SCAI: variants seen among roughly 807,000 people sequenced by gnomAD.
The protein encoded by SCAI is suppressor of cancer cell invasion.
Under a neutral mutation model 92.2 loss-of-function variants are expected in SCAI, and 24 were observed. The ratio of observed to expected loss-of-function variants is 0.26; its 90% CI spans 0.19 to 0.37. The LOEUF (loss-of-function observed/expected upper bound fraction) is 0.37. SCAI is among the 10% of genes least tolerant of loss of function. The probability of loss-of-function intolerance (pLI) is 1.00; values close to 1 mark genes in which losing one functional copy is unlikely to be tolerated. For missense variants in SCAI, 450 were observed against 736.2 expected (o/e 0.61, Z 4.50); for synonymous variants, 261 against 258.6 (o/e 1.01, Z -0.09).
At chr9:125,000,637 T>A (rs1173737436) in intron 12 of SCAI, among the ~76,000 whole-genome samples, 1 of 101,028 alleles carries the variant, frequency 9.9e-6, no homozygotes, top group African/African-American at 3.1e-5. Flanking sequence ...TAAAATAAGC[T>A]TTTTTTTTTT....
At chr9:125,113,774 C>A (rs1177972289) in intron 2 of SCAI, among the ~76,000 whole-genome samples, 1 of 150,506 alleles carries the variant, frequency 6.6e-6, no homozygotes, top group Non-Finnish European at 1.5e-5. Context: ...ACCAGCCTGA[C>A]CAACATGGAG....
intron 3 of SCAI, among the ~76,000 whole-genome samples, chr9:125,031,935 C>T (rs1833080979): frequency 6.6e-6 from 1 of 151,840 alleles, no homozygotes; most frequent in Admixed American, 6.6e-5. Context: ...TTTAGGGTTG[C>T]CAGATAAAAT....
At chr9:124,979,757 T>A (rs913356522) in intron 14 of SCAI, among the ~76,000 whole-genome samples, 10 of 152,044 alleles carry the variant, frequency 6.6e-5, no homozygotes, top group African/African-American at 2.2e-4. Flanking sequence ...ACTAAAAATA[T>A]TAAGCAAATA....
chr9:125,135,380 G>A (rs1447785319), intron 2 of SCAI, among the ~76,000 whole-genome samples: 5 of 152,188 alleles, frequency 3.3e-5, no homozygotes, highest in East Asian at 1.9e-4. Context: ...GGCCAGGCAC[G>A]ATGGCTCACG....
intron 2 of SCAI, among the ~76,000 whole-genome samples, chr9:125,125,831 CAAAAA>C (rs34484716): frequency 1.2e-5 from 1 of 81,974 alleles, no homozygotes. Flanking sequence ...GACTTTGTCT[CAAAAA>C]AAAAAAAAAA....
chr9:125,111,618 C>T (rs1220174321), intron 2 of SCAI, among the ~76,000 whole-genome samples: 2 of 151,710 alleles, frequency 1.3e-5, no homozygotes, highest in African/African-American at 4.8e-5. Flanking sequence ...TATATGTGGC[C>T]CAAGACAACT....
chr9:125,135,011 C>T (rs181518321), intron 2 of SCAI, among the ~76,000 whole-genome samples: 1 of 152,120 alleles, frequency 6.6e-6, no homozygotes, highest in African/African-American at 2.4e-5. Context: ...CAGTCCATTG[C>T]AGTTTTTCAG....
At chr9:124,962,738 ACAGT>A (rs930408636) in intron 17 of SCAI, among the ~76,000 whole-genome samples, 34 of 152,028 alleles carry the variant, frequency 2.2e-4, no homozygotes, top group African/African-American at 8.2e-4. Context: ...GATAACATAA[ACAGT>A]CAATTAACAA....
At chr9:125,111,773 C>G (rs896503926) in intron 2 of SCAI, among the ~76,000 whole-genome samples, 7 of 152,122 alleles carry the variant, frequency 4.6e-5, no homozygotes, top group African/African-American at 1.7e-4. Context: ...CCCCAGCTGA[C>G]TGCCTTGAGA....
intron 2 of SCAI, among the ~76,000 whole-genome samples, chr9:125,081,375 A>C (rs1253198880): frequency 2.0e-5 from 3 of 152,190 alleles, no homozygotes; most frequent in Admixed American, 2.0e-4. Context: ...TCTCAGATGG[A>C]GATAAGGAAC....
chr9:125,012,097 T>C (rs1247013237), intron 9 of SCAI, among the ~76,000 whole-genome samples: 1 of 152,048 alleles, frequency 6.6e-6, no homozygotes, highest in Non-Finnish European at 1.5e-5. Flanking sequence ...GCAAAGACCA[T>C]CGAGGCTAGG....
intron 2 of SCAI, among the ~76,000 whole-genome samples, chr9:125,107,966 C>A (rs1278950276): frequency 6.6e-6 from 1 of 152,140 alleles, no homozygotes; most frequent in African/African-American, 2.4e-5. Flanking sequence ...CGAACCCCTG[C>A]GATTGCAGGC....
rs539788418 is a variant in SCAI, at chr9:125,059,880, A to T, written c.99-3873T>A. ...ACTTGAAAGCCTCTGAACAAATCCT[A>T]CTCTTATACAGCATCATGATTTACA... On this transcript the variant is annotated intron_variant, in intron 2 of 17. Coordinates refer to ENST00000336505, the MANE Select transcript of SCAI (RefSeq NM_001144877.3). 7.9e-5 allele frequency among the ~76,000 whole-genome samples: 12 copies of T among 151,992 alleles called. No homozygotes were observed. In the South Asian group the frequency reaches 1.7e-3, roughly 21 times the overall value.
At chr9:125,047,970 G>A (rs1397050381) in intron 3 of SCAI, among the ~76,000 whole-genome samples, 1 of 151,832 alleles carries the variant, frequency 6.6e-6, no homozygotes, top group Non-Finnish European at 1.5e-5. Flanking sequence ...ATTAGTCATT[G>A]ATTTTCTTTT....
Position 124,976,000 on chromosome 9 carries a change from C to A in SCAI, c.1399+114G>T, listed in dbSNP as rs955253783. On this transcript the variant is annotated intron_variant, in intron 15 of 17. Coordinates refer to ENST00000336505, the MANE Select transcript of SCAI (RefSeq NM_001144877.3). The stretch of plus-strand genomic sequence containing the variant: ...AGAGCGACACCTGCCATATTAAACA[C>A]CATAAATCCACACGCGATCATTATG... 13 of 693,658 alleles carry A rather than the reference C, an allele frequency of 1.9e-5. 1 individual carries two copies. Among genetic ancestry groups the A allele is most frequent in the African/African-American group, 1.4e-4 (8 of 56,592 alleles). 43.0% of individuals were successfully genotyped at this position (693,658 alleles called of 1,614,324 possible).
chr9:124,943,478 T>C lies in SCAI; in HGVS notation c.*9329A>G, dbSNP rs988301453. The C allele has an allele frequency of 1.2e-4, 18 of 152,206 alleles. No homozygotes were observed. Among genetic ancestry groups the C allele is most frequent in the East Asian group, 1.9e-4 (1 of 5,206 alleles). 9.4% of individuals were successfully genotyped at this position (152,206 alleles called of 1,614,324 possible). A position where few individuals can be genotyped will look rare whatever the true frequency, so the allele number is the denominator to read the frequency against. On this transcript the variant is annotated 3_prime_UTR_variant, in exon 18 of 18. Coordinates refer to ENST00000336505, the MANE Select transcript of SCAI (RefSeq NM_001144877.3). Reference sequence around the variant, plus strand: ...CAGATTAGCAGCACTTGGATAAGAATTGTTACATGAAAAATATTGTGCTTC... The same window carrying C: ...CAGATTAGCAGCACTTGGATAAGAACTGTTACATGAAAAATATTGTGCTTC...
intron 2 of SCAI, among the ~76,000 whole-genome samples, chr9:125,128,702 G>A (rs567956493): frequency 6.6e-6 from 1 of 151,780 alleles, no homozygotes; most frequent in African/African-American, 2.4e-5. Context: ...GCAGTGAGCC[G>A]AGATTGTGCC....
rs1031138712 is a variant in SCAI, at chr9:124,980,602, T to C, written c.1327-4416A>G. 7.2e-5 allele frequency among the ~76,000 whole-genome samples: 11 copies of C among 152,328 alleles called. No individual in the cohort carries two copies. The East Asian group carries it at 1.7e-3, about 24-fold the overall frequency. ...GACCAGTTCCCAATAAAAACCCTGG[T>C]TGCTGAGTTCCTAATGAGCTTTGCT... On this transcript the variant is annotated intron_variant, in intron 14 of 17. Coordinates refer to ENST00000336505, the MANE Select transcript of SCAI (RefSeq NM_001144877.3).
intron 2 of SCAI, chr9:125,065,951 T>C: frequency 1.3e-6 from 1 of 743,140 alleles, no homozygotes. Flanking sequence ...ATTAATTTTA[T>C]AAAGGATATG....
Sources: gnomAD v4.1 joint callset for allele counts (sites outside exome capture counted in the v4.1 genomes callset) on GRCh38, gnomAD v4.1.1 for gene constraint, MANE v1.5 for transcripts, NCBI Gene and HGNC (gene_info 2026-07-23, HGNC 2026-07-21) for gene names.